The following DLGAP4 variants were observed in gnomAD, a reference collection of about 807,000 sequenced individuals.
DLGAP4 encodes the protein DLG associated protein 4, also known as disks large-associated protein 4.
In DLGAP4, 18 loss-of-function variants were observed where a neutral mutation model predicts 86.9. That is an observed-to-expected ratio of 0.21 (90% CI 0.14 to 0.31). The LOEUF is 0.31. Ranked by LOEUF, DLGAP4 falls within the 10% of genes least tolerant of loss-of-function variation. The probability of loss-of-function intolerance (pLI) is 1.00; values close to 1 mark genes in which losing one functional copy is unlikely to be tolerated. For synonymous variants in DLGAP4, 548 were observed against 574.3 expected (o/e 0.95, Z 0.65); for missense variants, 1,085 against 1,362.6 (o/e 0.80, Z 3.21).
intron 7 of DLGAP4, chr20:36,461,600 C>T (rs1179652368): frequency 8.4e-6 from 8 of 954,254 alleles, no homozygotes; most frequent in Non-Finnish European, 1.0e-5. Context: ...AGCCCGGACG[C>T]CCGGGGCCCG....
At chr20:36,501,301 G>A (rs1422007377) in intron 10 of DLGAP4, among the ~76,000 whole-genome samples, 1 of 151,994 alleles carries the variant, frequency 6.6e-6, no homozygotes. Flanking sequence ...CCTGACCTCA[G>A]GTGATCCACC....
intron 10 of DLGAP4, chr20:36,511,071 A>C (rs1451036667): frequency 1.3e-5 from 2 of 152,240 alleles, no homozygotes; most frequent in East Asian, 3.8e-4. Context: ...TTGGGGAAGA[A>C]CTGATAACTA....
At chr20:36,346,663 C>A (rs1390786491) in intron 1 of DLGAP4, among the ~76,000 whole-genome samples, 1 of 152,026 alleles carries the variant, frequency 6.6e-6, no homozygotes, top group Non-Finnish European at 1.5e-5. Flanking sequence ...TATACAAGCC[C>A]CTTGATTTCC....
chr20:36,351,346 G>T (rs2030146068), intron 1 of DLGAP4, among the ~76,000 whole-genome samples: 1 of 152,144 alleles, frequency 6.6e-6, no homozygotes, highest in Non-Finnish European at 1.5e-5. Flanking sequence ...GTGAGTGGCG[G>T]GCCTGTTAGA....
At chr20:36,424,480 C>A (rs2032919132) in intron 2 of DLGAP4, among the ~76,000 whole-genome samples, 1 of 152,178 alleles carries the variant, frequency 6.6e-6, no homozygotes, top group Non-Finnish European at 1.5e-5. Context: ...CCAAGTCTGG[C>A]ATCTTGGGTG....
chr20:36,475,687 T>TA (rs1403778045), intron 7 of DLGAP4, among the ~76,000 whole-genome samples: 1 of 152,216 alleles, frequency 6.6e-6, no homozygotes, highest in African/African-American at 2.4e-5. Flanking sequence ...TGCTCACAAA[T>TA]ACAGTTAACT....
chr20:36,446,828 C>A lies in DLGAP4; in HGVS notation c.1539C>A (p.Tyr513Ter). Reference protein sequence around the residue: ...PSYFRSRSHSYLRAIQAGCSQ... With the variant: ...PSYFRSRSHS ...ACTTCCGCTCCCGCAGCCACAGCTACCTGCGTGCCATCCAGGCAGGCTGCT... is the reference window on the plus strand; with the variant it reads ...ACTTCCGCTCCCGCAGCCACAGCTAACTGCGTGCCATCCAGGCAGGCTGCT... The change falls in exon 7 of 13, where the codon TAC becomes TAA. Residue 513 changes from tyrosine to a stop codon, truncating the protein, a stop_gained. Transcript: ENST00000339266. LOFTEE classifies it high-confidence loss of function. 1 of 1,613,076 alleles carries A rather than the reference C, an allele frequency of 6.2e-7. No homozygotes were observed.
chr20:36,454,440 G>A (rs2033827595), intron 7 of DLGAP4, among the ~76,000 whole-genome samples: 1 of 151,924 alleles, frequency 6.6e-6, no homozygotes, highest in Non-Finnish European at 1.5e-5. Context: ...CCCCCGATAT[G>A]TAGCATCCTT....
intron 2 of DLGAP4, among the ~76,000 whole-genome samples, chr20:36,419,251 C>T (rs1045637505): frequency 1.3e-5 from 2 of 151,952 alleles, no homozygotes; most frequent in African/African-American, 4.8e-5. Flanking sequence ...GCCTCCTGAA[C>T]AGCTGGGACT....
chr20:36,511,727 C>T lies in DLGAP4; in HGVS notation c.2512+11116C>T, dbSNP rs1765448412. Among the ~76,000 whole-genome samples, 7 of 151,488 alleles carry T rather than the reference C, an allele frequency of 4.6e-5. No individual in the cohort carries two copies. The South Asian group carries it at 1.5e-3, about 32-fold the overall frequency. ...CCATCTCTACTAAAAATACAAAAAT[C>T]AGCTGGGTGTCATCGTGGGCACCTG... On this transcript the variant is annotated intron_variant, in intron 10 of 12. Transcript: ENST00000339266.
intron 10 of DLGAP4, chr20:36,508,333 T>A (rs2036495340): frequency 6.6e-6 from 1 of 152,200 alleles, no homozygotes; most frequent in African/African-American, 2.4e-5. Context: ...CTGTCTACTT[T>A]GATACATAGA....
chr20:36,331,138 C>G (rs528284815), intron 1 of DLGAP4, among the ~76,000 whole-genome samples: 52 of 152,300 alleles, frequency 3.4e-4, no homozygotes, highest in African/African-American at 1.1e-3. Context: ...TCCTCTCTCA[C>G]CTGTGGGGAT....
chr20:36,355,282 T>C (rs1307413359), intron 1 of DLGAP4, among the ~76,000 whole-genome samples: 3 of 151,616 alleles, frequency 2.0e-5, no homozygotes, highest in Non-Finnish European at 2.9e-5. Context: ...TCTTGTTCTT[T>C]TTTCTTTCTT....
At chr20:36,417,296 G>A (rs1014743657) in intron 2 of DLGAP4, among the ~76,000 whole-genome samples, 1 of 152,238 alleles carries the variant, frequency 6.6e-6, no homozygotes, top group Admixed American at 6.5e-5. Context: ...AGAGCTGGGA[G>A]CGCTGGGGAA....
At chr20:36,455,272 C>G (rs1463272337) in intron 7 of DLGAP4, among the ~76,000 whole-genome samples, 2 of 152,018 alleles carry the variant, frequency 1.3e-5, no homozygotes, top group East Asian at 1.9e-4. Context: ...CTGCTTCTCC[C>G]TCCCACCCTC....
chr20:36,486,081 C>T (rs2035398170), intron 7 of DLGAP4, among the ~76,000 whole-genome samples: 1 of 152,186 alleles, frequency 6.6e-6, no homozygotes, highest in Non-Finnish European at 1.5e-5. Context: ...CATTCTGCTT[C>T]CATGTGCCTC....
chr20:36,466,167 A>G (rs1411679529), intron 7 of DLGAP4, among the ~76,000 whole-genome samples: 1 of 152,212 alleles, frequency 6.6e-6, no homozygotes, highest in East Asian at 1.9e-4. Context: ...GCTGGTGCTG[A>G]GAGCCTGTCG....
At chr20:36,399,198 AAAAC>A (rs965473752) in intron 2 of DLGAP4, among the ~76,000 whole-genome samples, 19 of 152,290 alleles carry the variant, frequency 1.2e-4, no homozygotes, top group African/African-American at 4.1e-4. Context: ...TCTGTCTCAA[AAAAC>A]AAACAAACAA....
At chr20:36,323,690 T>A (rs192589126) in intron 1 of DLGAP4, among the ~76,000 whole-genome samples, 46 of 152,304 alleles carry the variant, frequency 3.0e-4, no homozygotes, top group Non-Finnish European at 5.9e-4. Flanking sequence ...ATCCCCAACC[T>A]TTTTGGCACC....
Sources: allele counts gnomAD v4.1 joint callset (sites outside exome capture counted in the v4.1 genomes callset), GRCh38; gene constraint gnomAD v4.1.1; transcripts MANE v1.5; gene names NCBI Gene and HGNC (gene_info 2026-07-23, HGNC 2026-07-21).